Variants in ANGPTL4 observed in about 807,000 individuals in gnomAD.
ANGPTL4 encodes the protein angiopoietin-related protein 4.
ANGPTL4 carries 39 observed loss-of-function variants against 39.2 expected under a neutral mutation model. The observed-to-expected ratio is 1.00, with a 90% CI of 0.77 to 1.30. The LOEUF (loss-of-function observed/expected upper bound fraction) is 1.30, where lower values mean the gene tolerates loss of function less well. Ranked by LOEUF, ANGPTL4 falls within the 50% of genes most tolerant of loss-of-function variation. The pLI is 0.00. For missense variants in ANGPTL4, 545 were observed against 549.8 expected, an observed-to-expected ratio of 0.99 and a Z score of 0.09; for synonymous variants, 233 against 229.5, an observed-to-expected ratio of 1.02 and a Z score of -0.14.
Position 8,364,504 on chromosome 19 carries a change from C to T in ANGPTL4, c.183C>T (p.Arg61=). ...AGGGGCTGCGCGAACACGCGGAGCG[C>T]ACCCGCAGTCAGCTGAGCGCGCTGG... ...LGQGLREHAE[R]TRSQLSALER... is the part of the protein sequence containing the mutation. The change falls in exon 1 of 7, where the codon CGC becomes CGT. Residue 61 remains arginine, a synonymous_variant. Transcript: ENST00000301455. 6.4e-7 allele frequency: 1 copy of T among 1,563,716 alleles called. No homozygotes were observed. Among genetic ancestry groups the T allele is most frequent in the East Asian group, 2.4e-5 (1 of 42,254 alleles).
chr19:8,372,920 G>A (rs1971152558), intron 6 of ANGPTL4, among the ~76,000 whole-genome samples: 1 of 152,080 alleles, frequency 6.6e-6, no homozygotes, highest in Admixed American at 6.6e-5. Flanking sequence ...CCACACCACT[G>A]CACTCCAGCC....
intron 4 of ANGPTL4, among the ~76,000 whole-genome samples, chr19:8,370,565 C>T (rs2145481045): frequency 6.6e-6 from 1 of 152,000 alleles, no homozygotes; most frequent in Non-Finnish European, 1.5e-5. Context: ...TAAACATTAG[C>T]CGGGCGTGCC....
chr19:8,366,517 A>G (rs1007885538), intron 3 of ANGPTL4, among the ~76,000 whole-genome samples, 198 bp downstream of exon 3: 1 of 152,062 alleles, frequency 6.6e-6, no homozygotes, highest in African/African-American at 2.4e-5. Flanking sequence ...AGGCCACCCA[A>G]CCCTTCTCCT....
Position 8,364,618 on chromosome 19 carries a change from T to A in ANGPTL4, c.297T>A (p.Pro99=). ...TAGCCCCTGAGAGCCGGGTGGACCCTGAGGTCCTTCACAGCCTGCAGGTAC... is the reference window on the plus strand; with the variant it reads ...TAGCCCCTGAGAGCCGGGTGGACCCAGAGGTCCTTCACAGCCTGCAGGTAC... ...LPLAPESRVD[P]EVLHSLQTQL... The change falls in exon 1 of 7, where the codon CCT becomes CCA. Residue 99 remains proline (P), a synonymous_variant. Coordinates refer to ENST00000301455, the MANE Select transcript of ANGPTL4 (RefSeq NM_139314.3). 6.3e-7 allele frequency: 1 copy of A among 1,591,742 alleles called. No homozygotes were observed. Among genetic ancestry groups the A allele is most frequent in the Non-Finnish European group, 8.5e-7 (1 of 1,170,086 alleles).
intron 3 of ANGPTL4, 150 bp downstream of exon 3, chr19:8,366,469 G>A (rs1030582842): frequency 2.9e-5 from 26 of 909,364 alleles, no homozygotes; most frequent in Non-Finnish European, 4.1e-5. Context: ...CAAAGCTGAT[G>A]GGAGCACCTC....
intron 3 of ANGPTL4, among the ~76,000 whole-genome samples, chr19:8,367,772 G>A (rs1482084590): frequency 6.6e-6 from 1 of 152,202 alleles, no homozygotes; most frequent in Non-Finnish European, 1.5e-5. Context: ...GCTCAGCACA[G>A]TTCTTCCCGT....
chr19:8,366,097 C>T, intron 2 of ANGPTL4, 33 bp downstream of exon 2: 1 of 1,610,936 alleles, frequency 6.2e-7, no homozygotes, highest in Non-Finnish European at 8.5e-7. Flanking sequence ...AAAGGTCCCT[C>T]TGATAGCTGG....
chr19:8,366,446 C>G, intron 3 of ANGPTL4, 127 bp downstream of exon 3: 1 of 1,077,596 alleles, frequency 9.3e-7, no homozygotes, highest in Non-Finnish European at 1.4e-6. Flanking sequence ...TGAGGGCTCA[C>G]CAGTCTCTGG....
chr19:8,365,297 GT>G (rs1970979794), intron 1 of ANGPTL4, among the ~76,000 whole-genome samples: 1 of 151,774 alleles, frequency 6.6e-6, no homozygotes, highest in East Asian at 1.9e-4. Flanking sequence ...GACCAACACA[GT>G]GAAACCCCGT....
chr19:8,372,823 G>A (rs1000182337), intron 6 of ANGPTL4, among the ~76,000 whole-genome samples: 3 of 152,022 alleles, frequency 2.0e-5, no homozygotes, highest in African/African-American at 7.2e-5. Flanking sequence ...CAGGCATGGT[G>A]GCTCACACCT....
intron 6 of ANGPTL4, among the ~76,000 whole-genome samples, chr19:8,372,750 G>A (rs144249274): frequency 7.9e-5 from 12 of 151,782 alleles, no homozygotes; most frequent in African/African-American, 2.2e-4. Context: ...CTGAGACTGC[G>A]CCACTGCACT....
At chr19:8,364,741 C>A in intron 1 of ANGPTL4, 102 bp downstream of exon 1, 1 of 1,392,234 alleles carries the variant, frequency 7.2e-7, no homozygotes, top group Non-Finnish European at 9.9e-7. Flanking sequence ...GCAACTGTGG[C>A]TCCCTGGGCT....
chr19:8,365,813 G>A (rs748447910), intron 1 of ANGPTL4, 141 bp from the exon 2 acceptor site: 10 of 726,064 alleles, frequency 1.4e-5, no homozygotes, highest in Admixed American at 2.1e-5. Context: ...ACGAGACCCC[G>A]TCATTGGGAA....
rs1469668915 is a variant in ANGPTL4, at chr19:8,371,304, C to T, written c.821C>T (p.Ala274Val). 6.2e-7 allele frequency: 1 copy of T among 1,613,910 alleles called. No homozygotes were observed. The highest frequency in any genetic ancestry group is 2.2e-5 in the East Asian group (1 of 44,872). The stretch of plus-strand genomic sequence containing the variant: ...ACGGGGGACCGCAACAGCCGCCTGG[C>T]CGTGCAGCTGCGGGACTGGGATGGC... Reference protein sequence around the residue: ...SITGDRNSRLAVQLRDWDGNA... With the variant: ...SITGDRNSRLVVQLRDWDGNA... The change falls in exon 6 of 7, where the codon GCC (alanine) becomes GTC (valine). Residue 274 changes from alanine to valine, a missense_variant. Transcript: ENST00000301455. This position sits in a 1 kb window ranked among gnomAD's most constrained non-coding sequence, Gnocchi z 5.1.
At chr19:8,369,768 T>C (rs971405578) in intron 4 of ANGPTL4, among the ~76,000 whole-genome samples, 1 of 152,040 alleles carries the variant, frequency 6.6e-6, no homozygotes, top group Non-Finnish European at 1.5e-5. Context: ...TTCTTTAAAA[T>C]GCAGCCCTTG....
intron 3 of ANGPTL4, among the ~76,000 whole-genome samples, chr19:8,367,068 G>A (rs1013269071): frequency 1.3e-5 from 2 of 152,062 alleles, no homozygotes. Flanking sequence ...CCCTGCATCT[G>A]TGGCTGTCCA....
rs899995706 is a variant in ANGPTL4, at chr19:8,371,980, G to A, written c.1039+458G>A. On this transcript the variant is annotated intron_variant, in intron 6 of 6. Coordinates refer to ENST00000301455, the MANE Select transcript of ANGPTL4 (RefSeq NM_139314.3). This position sits in a 1 kb window ranked among gnomAD's most constrained non-coding sequence, Gnocchi z 5.1. The stretch of plus-strand genomic sequence containing the variant: ...TCACCGTGTTAGCCAGGATGGTCTC[G>A]ATCTCCTGACCTCGTGATCTGCCTG... 2.6e-5 allele frequency among the ~76,000 whole-genome samples: 4 copies of A among 151,892 alleles called. No homozygotes were observed. Among genetic ancestry groups the A allele is most frequent in the East Asian group, 3.9e-4 (2 of 5,158 alleles).
intron 6 of ANGPTL4, 48 bp from the exon 7 acceptor site, chr19:8,373,657 C>G (rs767441712): frequency 6.2e-7 from 1 of 1,612,848 alleles, no homozygotes; most frequent in Non-Finnish European, 8.5e-7. Context: ...TCAGCCCCAT[C>G]GGTGGCTCAA....
At chr19:8,373,187 A>G (rs147475768) in intron 6 of ANGPTL4, among the ~76,000 whole-genome samples, 232 of 151,616 alleles carry the variant, frequency 1.5e-3, no homozygotes, top group African/African-American at 5.5e-3. Context: ...GGTGGATCAC[A>G]TGAGGTAAGG....
Sources: gnomAD v4.1 joint callset for allele counts (sites outside exome capture counted in the v4.1 genomes callset) on GRCh38, gnomAD v4.1.1 for gene constraint, Gnocchi (gnomAD v3.1) non-coding constraint, MANE v1.5 for transcripts, NCBI Gene and HGNC (gene_info 2026-07-23, HGNC 2026-07-21) for gene names.